Variants in EDARADD observed in about 807,000 individuals in gnomAD.
EDARADD encodes ectodysplasin-A receptor-associated adapter protein.
A neutral mutation model predicts 25.6 loss-of-function variants in EDARADD; 20 were observed. The observed-to-expected ratio is 0.78, with a 90% confidence interval of 0.55 to 1.14. EDARADD has a LOEUF of 1.14. Among genes scored for constraint, EDARADD ranks in the 50% most tolerant of loss-of-function variants. The pLI is 0.00. For synonymous variants in EDARADD, 86 were observed against 94.4 expected (o/e 0.91, Z 0.52); for missense variants, 225 against 270.1 (o/e 0.83, Z 1.17).
At chr1:236,401,453 C>T (rs935169989) in intron 1 of EDARADD, among the ~76,000 whole-genome samples, 1 of 152,146 alleles carries the variant, frequency 6.6e-6, no homozygotes, top group African/African-American at 2.4e-5. Flanking sequence ...TGTCAGAATG[C>T]GGCAGTGCAG....
chr1:236,367,729 A>G (rs1218084236), intron 3 of EDARADD, among the ~76,000 whole-genome samples: 3 of 152,210 alleles, frequency 2.0e-5, no homozygotes, highest in Non-Finnish European at 4.4e-5. Flanking sequence ...TTTATTTATA[A>G]AAAGGGACCT....
At chr1:236,459,059 A>T (rs894758780) in intron 4 of EDARADD, among the ~76,000 whole-genome samples, 2 of 152,208 alleles carry the variant, frequency 1.3e-5, no homozygotes, top group Non-Finnish European at 2.9e-5. Context: ...CTTTCTGTGC[A>T]GTCAGCTAGC....
chr1:236,363,390 C>T (rs1022756699), intron 3 of EDARADD, among the ~76,000 whole-genome samples: 2 of 151,538 alleles, frequency 1.3e-5, no homozygotes, highest in Non-Finnish European at 2.9e-5. Flanking sequence ...GTGAGTTCTT[C>T]TGAGATCTGG....
intron 3 of EDARADD, among the ~76,000 whole-genome samples, chr1:236,355,557 T>TGGAGTGCA (rs1480437378): frequency 3.3e-4 from 44 of 132,274 alleles, no homozygotes; most frequent in African/African-American, 1.2e-3. Flanking sequence ...TCACCCAGGC[T>TGGAGTGCA]GGAGTGCAGT....
Position 236,437,879 on chromosome 1 carries a change from G to T in EDARADD, c.219+10429G>T, listed in dbSNP as rs538658199. Among the ~76,000 whole-genome samples the T allele has an allele frequency of 5.3e-5, 8 of 151,748 alleles. No individual in the cohort carries two copies. In the South Asian group the frequency reaches 1.7e-3, roughly 32 times the overall value. On this transcript the variant is annotated intron_variant, in intron 4 of 5. Coordinates refer to ENST00000334232, the MANE Select transcript of EDARADD (RefSeq NM_145861.4). ...TTCTCCCGCCTCAGCCTTCTGAGCA[G>T]CTGGGATCACAGGCACCCACCATCA...
chr1:236,411,000 G>T (rs542145723), intron 2 of EDARADD, among the ~76,000 whole-genome samples: 3 of 152,218 alleles, frequency 2.0e-5, no homozygotes, highest in African/African-American at 7.2e-5. Flanking sequence ...AAAGCCTTTG[G>T]TTTCTATAAA....
intron 3 of EDARADD, among the ~76,000 whole-genome samples, chr1:236,359,543 T>TAA (rs1322043864): frequency 1.3e-5 from 2 of 152,178 alleles, no homozygotes; most frequent in Non-Finnish European, 2.9e-5. Flanking sequence ...ACACTACTGA[T>TAA]AAAGGTATAA....
At chr1:236,443,127 C>T (rs1055703693) in intron 4 of EDARADD, among the ~76,000 whole-genome samples, 19 of 152,178 alleles carry the variant, frequency 1.2e-4, no homozygotes, top group Admixed American at 3.9e-4. Context: ...GAGTCCCCAC[C>T]GGCAAGAAGG....
chr1:236,411,175 T>C (rs1657463802), intron 2 of EDARADD, among the ~76,000 whole-genome samples: 1 of 152,178 alleles, frequency 6.6e-6, no homozygotes, highest in Middle Eastern at 3.2e-3. Context: ...TACTTCTCCA[T>C]GCTGGGGACA....
intron 3 of EDARADD, among the ~76,000 whole-genome samples, chr1:236,372,408 CTGG>C (rs1667183358): frequency 6.6e-6 from 1 of 152,172 alleles, no homozygotes; most frequent in Non-Finnish European, 1.5e-5. Flanking sequence ...TCTTGCATAT[CTGG>C]GCTAAATCTG....
At chr1:236,375,114 G>A (rs1667211849) in intron 3 of EDARADD, among the ~76,000 whole-genome samples, 1 of 151,624 alleles carries the variant, frequency 6.6e-6, no homozygotes, top group Non-Finnish European at 1.5e-5. Flanking sequence ...CCTACAGTTT[G>A]CAATATACAT....
intron 4 of EDARADD, among the ~76,000 whole-genome samples, chr1:236,441,038 G>A (rs1335933211): frequency 6.6e-6 from 1 of 151,974 alleles, no homozygotes; most frequent in African/African-American, 2.4e-5. Context: ...TGAAAGCTAG[G>A]TCTCTCATGC....
chr1:236,467,414 GCACACACACGCGCACACA>G (rs1383324898), intron 4 of EDARADD, among the ~76,000 whole-genome samples: 1 of 101,320 alleles, frequency 9.9e-6, no homozygotes, highest in Non-Finnish European at 1.8e-5. Context: ...TTCATGGGAA[GCACACACACGCGCACACA>G]CACACACACA....
chr1:236,439,782 T>A (rs1409069856), intron 4 of EDARADD, among the ~76,000 whole-genome samples: 3 of 152,220 alleles, frequency 2.0e-5, no homozygotes, highest in Non-Finnish European at 4.4e-5. Flanking sequence ...AATATTTTCT[T>A]CCAGTCTGTG....
intron 3 of EDARADD, among the ~76,000 whole-genome samples, chr1:236,362,239 C>T (rs1411366419): frequency 6.6e-6 from 1 of 152,148 alleles, no homozygotes; most frequent in Non-Finnish European, 1.5e-5. Flanking sequence ...AAATCTCTGC[C>T]ATCTAAAGAG....
At chr1:236,469,910 A>G (rs1408558356) in intron 5 of EDARADD, among the ~76,000 whole-genome samples, 1 of 151,830 alleles carries the variant, frequency 6.6e-6, no homozygotes, top group Non-Finnish European at 1.5e-5. Flanking sequence ...GGGTTTCACC[A>G]TGTTGGCCAG....
At chr1:236,435,249 G>A (rs1658215793) in intron 4 of EDARADD, among the ~76,000 whole-genome samples, 2 of 152,206 alleles carry the variant, frequency 1.3e-5, no homozygotes, top group African/African-American at 4.8e-5. Flanking sequence ...GAGGTAACTA[G>A]AGGAATAGCC....
chr1:236,483,289 G>A lies in EDARADD; in HGVS notation c.*640G>A. ...GCTGTGCCCAGTGGTGCTTCAACTGGTATCTATGAGGTCCTAGAGCTCCAG... is the reference window on the plus strand; with the variant it reads ...GCTGTGCCCAGTGGTGCTTCAACTGATATCTATGAGGTCCTAGAGCTCCAG... On this transcript the variant is annotated 3_prime_UTR_variant, in exon 6 of 6. Coordinates refer to ENST00000334232, the MANE Select transcript of EDARADD (RefSeq NM_145861.4). 6.2e-7 allele frequency: 1 copy of A among 1,600,260 alleles called. No individual in the cohort carries two copies. The highest frequency in any genetic ancestry group is 8.5e-7 in the Non-Finnish European group (1 of 1,169,984).
At position 236,368,798 on chromosome 1, in the gene EDARADD, T is replaced by A. The variant is rs548348268; in HGVS notation, c.-6+17959T>A. Among the ~76,000 whole-genome samples the A allele has an allele frequency of 1.2e-4, 19 of 152,322 alleles. No individual in the cohort carries two copies. The East Asian group carries it at 3.7e-3, about 29-fold the overall frequency. On this transcript the variant is annotated intron_variant, in intron 3 of 7. Transcript: ENST00000439430. The stretch of plus-strand genomic sequence containing the variant: ...TTGTTAGTCTTGTGAACTTTACAAC[T>A]CTAAAAAATCTTTCTCTTATATTTC...
Sources: allele counts gnomAD v4.1 joint callset (sites outside exome capture counted in the v4.1 genomes callset), GRCh38; gene constraint gnomAD v4.1.1; transcripts MANE v1.5; gene names NCBI Gene and HGNC (gene_info 2026-07-23, HGNC 2026-07-21).